Variants in ERP44 observed in about 807,000 individuals in gnomAD.
The protein encoded by ERP44 is endoplasmic reticulum resident protein 44.
Under a neutral mutation model 53.4 loss-of-function variants are expected in ERP44, and 25 were observed. The observed-to-expected ratio is 0.47, with a 90% CI of 0.34 to 0.65. ERP44 has a LOEUF of 0.65. Among genes scored for constraint, ERP44 ranks in the 30% least tolerant of loss-of-function variants. The pLI is 0.01. For synonymous variants in ERP44, 145 were observed against 161.2 expected, an observed-to-expected ratio of 0.90 and a Z score of 0.76; for missense variants, 338 against 493.2, an observed-to-expected ratio of 0.69 and a Z score of 2.98.
At chr9:100,075,557 T>C (rs1826346473) in intron 1 of ERP44, among the ~76,000 whole-genome samples, 1 of 152,142 alleles carries the variant, frequency 6.6e-6, no homozygotes, top group South Asian at 2.1e-4. Flanking sequence ...GAGCAAGAAG[T>C]AGCAGACACA....
At chr9:99,984,524 G>GT (rs1258964395) in intron 11 of ERP44, among the ~76,000 whole-genome samples, 1 of 152,162 alleles carries the variant, frequency 6.6e-6, no homozygotes, top group Non-Finnish European at 1.5e-5. Context: ...TATGAATAGT[G>GT]TATTTGTGAA....
At chr9:99,992,080 C>T (rs1004438484) in intron 10 of ERP44, among the ~76,000 whole-genome samples, 2 of 152,178 alleles carry the variant, frequency 1.3e-5, no homozygotes, top group South Asian at 2.1e-4. Flanking sequence ...CCGACTTCTA[C>T]CAGAGGTACA....
intron 1 of ERP44, among the ~76,000 whole-genome samples, chr9:100,065,541 A>G (rs1451748301): frequency 6.6e-6 from 1 of 152,222 alleles, no homozygotes; most frequent in Non-Finnish European, 1.5e-5. Flanking sequence ...TCATGTAATC[A>G]TTTAACAATG....
chr9:100,000,737 AT>A (rs912118906), intron 10 of ERP44, among the ~76,000 whole-genome samples: 13 of 151,912 alleles, frequency 8.6e-5, no homozygotes, highest in Non-Finnish European at 1.6e-4. Flanking sequence ...TTCATTTCTT[AT>A]TTTTTGAGAC....
At chr9:100,008,981 A>C (rs1401836561) in intron 8 of ERP44, among the ~76,000 whole-genome samples, 2 of 152,070 alleles carry the variant, frequency 1.3e-5, no homozygotes, top group Non-Finnish European at 2.9e-5. Flanking sequence ...GGGCTCAAGC[A>C]ATCTGCCTGC....
intron 4 of ERP44, among the ~76,000 whole-genome samples, chr9:100,024,655 T>C (rs989745263): frequency 2.6e-5 from 4 of 152,152 alleles, no homozygotes; most frequent in African/African-American, 9.7e-5. Context: ...GTCATTGTTA[T>C]TTTGAAATTA....
chr9:100,071,390 C>T (rs895144209), intron 1 of ERP44, among the ~76,000 whole-genome samples: 3 of 152,160 alleles, frequency 2.0e-5, no homozygotes, highest in African/African-American at 7.2e-5. Context: ...ACATGTGGCC[C>T]TGACTGTTTT....
At position 99,995,338 on chromosome 9, in the gene ERP44, T is replaced by C. The variant is rs147335916; in HGVS notation, c.1017-10269A>G. On this transcript the variant is annotated intron_variant, in intron 10 of 11. Coordinates refer to ENST00000262455, the MANE Select transcript of ERP44 (RefSeq NM_015051.3). ...TCAGGTCTGAATGCCTTTCATTTAT[T>C]TTCTTGTTCTGCTAGGATTTCCAGT... is the stretch of plus-strand genomic sequence containing the variant. 1.3e-4 allele frequency among the ~76,000 whole-genome samples: 20 copies of C among 152,340 alleles called. No individual in the cohort carries two copies. In the East Asian group the frequency reaches 3.3e-3, roughly 25 times the overall value.
intron 6 of ERP44, 29 bp downstream of exon 6, chr9:100,020,587 A>C (rs531744364): frequency 8.4e-7 from 1 of 1,186,774 alleles, no homozygotes; most frequent in South Asian, 1.2e-5. Context: ...CAACCAACCC[A>C]CTAACACACT....
At chr9:100,078,788 A>C (rs1229798550) in intron 1 of ERP44, among the ~76,000 whole-genome samples, 1 of 152,074 alleles carries the variant, frequency 6.6e-6, no homozygotes, top group Non-Finnish European at 1.5e-5. Flanking sequence ...AGTAAAGAAA[A>C]ATATCTTCAT....
At chr9:100,007,517 G>T in intron 9 of ERP44, 61 bp downstream of exon 9, 1 of 883,914 alleles carries the variant, frequency 1.1e-6, no homozygotes, top group Non-Finnish European at 1.9e-6. Context: ...AGGAGATGAT[G>T]AAAGGGAAAA....
rs188844305 is a variant in ERP44, at chr9:100,025,665, G to A, written c.287-3439C>T. 1.7e-3 allele frequency among the ~76,000 whole-genome samples: 254 copies of A among 152,192 alleles called. 1 individual carries two copies. The highest frequency in any genetic ancestry group is 5.9e-3 in the African/African-American group (243 of 41,512). On this transcript the variant is annotated intron_variant, in intron 4 of 11. Transcript: ENST00000262455. ...ACAACTGACTTGTGATATACTAAAA[G>A]CTGATATAACAAACAACTGAAATGG...
intron 1 of ERP44, 41 bp downstream of exon 1, chr9:100,098,743 G>A (rs759809815): frequency 1.0e-5 from 16 of 1,564,536 alleles, no homozygotes; most frequent in Middle Eastern, 1.7e-4. Flanking sequence ...GCCGGAGGCC[G>A]TTCGTGCGTT....
intron 1 of ERP44, among the ~76,000 whole-genome samples, chr9:100,081,446 G>A (rs1587984333): frequency 6.6e-6 from 1 of 151,960 alleles, no homozygotes; most frequent in East Asian, 1.9e-4. Flanking sequence ...AGAAATTATG[G>A]GAGATACAAG....
intron 4 of ERP44, among the ~76,000 whole-genome samples, chr9:100,023,156 T>C (rs1184751255): frequency 6.6e-6 from 1 of 152,104 alleles, no homozygotes; most frequent in African/African-American, 2.4e-5. Context: ...CAACTATATG[T>C]CCCTTTTCAA....
intron 8 of ERP44, among the ~76,000 whole-genome samples, chr9:100,014,459 T>G (rs752626814): frequency 7.9e-5 from 12 of 152,038 alleles, no homozygotes; most frequent in Non-Finnish European, 1.5e-4. Context: ...TAATTTTGCA[T>G]TTTTAGTAGA....
chr9:100,090,505 T>C (rs1224433724), intron 1 of ERP44, among the ~76,000 whole-genome samples: 1 of 152,038 alleles, frequency 6.6e-6, no homozygotes, highest in Non-Finnish European at 1.5e-5. Context: ...TCCTAACACT[T>C]TGGGAGGCTG....
chr9:100,071,504 T>C (rs113196566), intron 1 of ERP44, among the ~76,000 whole-genome samples: 173 of 152,338 alleles, frequency 1.1e-3, no homozygotes, highest in Non-Finnish European at 2.0e-3. Flanking sequence ...GACTTCCTAG[T>C]TTCTTATTCT....
At chr9:100,073,381 A>G (rs572490009) in intron 1 of ERP44, among the ~76,000 whole-genome samples, 2 of 152,316 alleles carry the variant, frequency 1.3e-5, no homozygotes, top group African/African-American at 4.8e-5. Context: ...ATTAAACTAC[A>G]ATTGACCTTC....
Sources: gnomAD v4.1 joint callset for allele counts (sites outside exome capture counted in the v4.1 genomes callset) on GRCh38, gnomAD v4.1.1 for gene constraint, MANE v1.5 for transcripts, NCBI Gene and HGNC (gene_info 2026-07-23, HGNC 2026-07-21) for gene names.